MTMR12: variants seen among roughly 807,000 people sequenced by gnomAD.
The protein encoded by MTMR12 is myotubularin related protein 12.
In MTMR12, 33 loss-of-function variants were observed where a neutral mutation model predicts 96.7. The observed-to-expected ratio is 0.34, with a 90% CI of 0.26 to 0.46. MTMR12 has a LOEUF of 0.46. MTMR12 is among the 20% of genes least tolerant of loss of function. The pLI is 1.00. For synonymous variants in MTMR12, 298 were observed against 327.2 expected (o/e 0.91, Z 0.96); for missense variants, 721 against 896.1 (o/e 0.80, Z 2.49).
intron 6 of MTMR12, among the ~76,000 whole-genome samples, chr5:32,263,751 C>T (rs1047975189): frequency 6.6e-6 from 1 of 151,992 alleles, no homozygotes; most frequent in African/African-American, 2.4e-5. Flanking sequence ...TGTCTTTTTA[C>T]ATTGTAGGAA....
At chr5:32,303,972 CATA>C (rs776550808) in intron 1 of MTMR12, among the ~76,000 whole-genome samples, 17 of 151,840 alleles carry the variant, frequency 1.1e-4, no homozygotes, top group Admixed American at 6.6e-4. Context: ...ATGGATCAAG[CATA>C]ATATCTTCAC....
At chr5:32,244,084 G>T (rs1581595619) in intron 10 of MTMR12, among the ~76,000 whole-genome samples, 1 of 152,088 alleles carries the variant, frequency 6.6e-6, no homozygotes, top group Non-Finnish European at 1.5e-5. Context: ...ATAAAACAGA[G>T]AACCTTAAAT....
At chr5:32,298,952 CAAAAAAAAAA>C (rs766708610) in intron 1 of MTMR12, among the ~76,000 whole-genome samples, 1 of 54,652 alleles carries the variant, frequency 1.8e-5, no homozygotes, top group East Asian at 4.5e-4. Context: ...GACTCCATCT[CAAAAAAAAAA>C]AAAAAAAAAG....
In MTMR12 at chr5:32,312,082, T is replaced by C. The variant is rs1182763239; in HGVS notation, c.81+676A>G. ...TGACACACAGTAGGAGCTCGAGAAG[T>C]ATTTTCTGAATGAATGAACAAATTT... On this transcript the variant is annotated intron_variant, in intron 1 of 15. Transcript: ENST00000382142. The surrounding 1 kb of genome is among the most constrained non-coding windows in gnomAD (Gnocchi z 5.0). Among the ~76,000 whole-genome samples, 3 of 152,174 alleles carry C rather than the reference T, an allele frequency of 2.0e-5. No homozygotes were observed. Among genetic ancestry groups the C allele is most frequent in the Admixed American group, 6.5e-5 (1 of 15,286 alleles).
intron 15 of MTMR12, among the ~76,000 whole-genome samples, chr5:32,231,847 C>T (rs1415357689): frequency 6.6e-6 from 1 of 152,138 alleles, no homozygotes; most frequent in South Asian, 2.1e-4. Flanking sequence ...CCTGCCTGCT[C>T]GGTTCTGTGC....
chr5:32,244,035 C>T (rs961895558), intron 10 of MTMR12, among the ~76,000 whole-genome samples: 1 of 152,158 alleles, frequency 6.6e-6, no homozygotes, highest in African/African-American at 2.4e-5. Context: ...CAAGTTCGTC[C>T]ACCCAGCATA....
intron 15 of MTMR12, among the ~76,000 whole-genome samples, chr5:32,232,744 C>T (rs1285154826): frequency 6.6e-6 from 1 of 152,236 alleles, no homozygotes; most frequent in Non-Finnish European, 1.5e-5. Context: ...GGAAACTCCA[C>T]CCTGGGCCTG....
intron 1 of MTMR12, among the ~76,000 whole-genome samples, chr5:32,286,548 T>C (rs1010358686): frequency 7.2e-5 from 11 of 151,772 alleles, no homozygotes; most frequent in African/African-American, 2.7e-4. Context: ...ACTTTTGCCC[T>C]CACGAAATTC....
At chr5:32,278,725 TG>T (rs2112100334) in intron 1 of MTMR12, among the ~76,000 whole-genome samples, 1 of 152,266 alleles carries the variant, frequency 6.6e-6, no homozygotes, top group East Asian at 1.9e-4. Context: ...TGTACTGGTC[TG>T]GGGCTTAAGC....
At position 32,243,504 on chromosome 5, in the gene MTMR12, A is replaced by G; in HGVS notation, c.1100+17T>C. The G allele has an allele frequency of 6.3e-7, 1 of 1,582,854 alleles. No individual in the cohort carries two copies. Among genetic ancestry groups the G allele is most frequent in the Non-Finnish European group, 8.7e-7 (1 of 1,153,418 alleles). ...TACAATTACAAAATTCATGAGTAAA[A>G]CAATGGTTTGAAATACCTGATTATG... On this transcript the variant is annotated intron_variant, in intron 11 of 15. Coordinates refer to ENST00000382142, the MANE Select transcript of MTMR12 (RefSeq NM_001040446.3).
chr5:32,270,115 A>T (rs1749775044), intron 5 of MTMR12, among the ~76,000 whole-genome samples: 3 of 152,192 alleles, frequency 2.0e-5, no homozygotes, highest in Admixed American at 1.3e-4. Flanking sequence ...TTATACCATC[A>T]GAGGGAAAAG....
At chr5:32,247,270 A>G (rs1302083355) in intron 10 of MTMR12, among the ~76,000 whole-genome samples, 1 of 152,144 alleles carries the variant, frequency 6.6e-6, no homozygotes, top group Non-Finnish European at 1.5e-5. Context: ...GGATCACTTG[A>G]GCCTGGGAGT....
chr5:32,298,949 T>A (rs1403079952), intron 1 of MTMR12, among the ~76,000 whole-genome samples: 1 of 118,650 alleles, frequency 8.4e-6, no homozygotes, highest in East Asian at 2.4e-4. Flanking sequence ...CGAGACTCCA[T>A]CTCAAAAAAA....
chr5:32,279,866 C>T (rs772325563), intron 1 of MTMR12, among the ~76,000 whole-genome samples: 3 of 152,212 alleles, frequency 2.0e-5, no homozygotes, highest in Admixed American at 6.5e-5. Context: ...AATCTAATGC[C>T]GCCACTGATC....
At chr5:32,261,951 A>C (rs1474544862) in intron 7 of MTMR12, among the ~76,000 whole-genome samples, 1 of 152,198 alleles carries the variant, frequency 6.6e-6, no homozygotes, top group Non-Finnish European at 1.5e-5. Context: ...AGGTGCCTGT[A>C]GTCCAAGCTA....
chr5:32,233,895 G>T lies in MTMR12; in HGVS notation c.1552C>A (p.Leu518Met). Reference sequence around the variant, plus strand: ...ACCGACCAATCCCACACGGTGAGCAGATTCAAAGGCTTGCTTTGTGTATCC... The same window carrying T: ...ACCGACCAATCCCACACGGTGAGCATATTCAAAGGCTTGCTTTGTGTATCC... The part of the protein sequence containing the change: ...GQDTQSKPLN[L>M]LTVWDWSVQF... The change falls in exon 15 of 16, where the codon CTG becomes ATG. Residue 518 changes from leucine to methionine, a missense_variant. Physicochemically the swap from Leu to Met is conservative, Grantham distance 15. Coordinates refer to ENST00000382142, the MANE Select transcript of MTMR12 (RefSeq NM_001040446.3). The surrounding 1 kb of genome is among the most constrained non-coding windows in gnomAD (Gnocchi z 5.0). 1 of 1,614,186 alleles carries T rather than the reference G, an allele frequency of 6.2e-7. No individual in the cohort carries two copies. Among genetic ancestry groups the T allele is most frequent in the South Asian group, 1.1e-5 (1 of 91,090 alleles).
intron 2 of MTMR12, among the ~76,000 whole-genome samples, chr5:32,275,242 A>G (rs1455133893): frequency 6.6e-6 from 1 of 152,170 alleles, no homozygotes; most frequent in East Asian, 1.9e-4. Flanking sequence ...ATACCGGAAG[A>G]TGGCTCAGTC....
At chr5:32,280,878 T>C (rs1750263591) in intron 1 of MTMR12, among the ~76,000 whole-genome samples, 2 of 152,148 alleles carry the variant, frequency 1.3e-5, no homozygotes, top group African/African-American at 2.4e-5. Flanking sequence ...TAATTTGTTA[T>C]AGTTGTTGGG....
chr5:32,284,255 C>A (rs1750430800), intron 1 of MTMR12, among the ~76,000 whole-genome samples: 1 of 143,404 alleles, frequency 7.0e-6, no homozygotes, highest in Non-Finnish European at 1.5e-5. Context: ...GAGGTCAAGG[C>A]TGCAGTGAGC....
Sources: allele counts gnomAD v4.1 joint callset (sites outside exome capture counted in the v4.1 genomes callset), GRCh38; gene constraint gnomAD v4.1.1; non-coding constraint Gnocchi (gnomAD v3.1); transcripts MANE v1.5; gene names NCBI Gene and HGNC (gene_info 2026-07-23, HGNC 2026-07-21).